Variants in RAPGEF6 observed in about 807,000 individuals in gnomAD.
RAPGEF6 encodes the protein PDZ domain containing guanine nucleotide exchange factor (GEF) 2.
In RAPGEF6, 56 loss-of-function variants were observed where a neutral mutation model predicts 171.4. That is an observed-to-expected ratio of 0.33 (90% CI 0.26 to 0.41). The LOEUF (loss-of-function observed/expected upper bound fraction) is 0.41, where lower values mean the gene tolerates loss of function less well. Among genes scored for constraint, RAPGEF6 ranks in the 10% least tolerant of loss-of-function variants. RAPGEF6 has a pLI of 1.00. For synonymous variants in RAPGEF6, 692 were observed against 650.1 expected, an observed-to-expected ratio of 1.06 and a Z score of -0.98; for missense variants, 1,674 against 1,921.4, an observed-to-expected ratio of 0.87 and a Z score of 2.41.
At chr5:131,490,995 T>C (rs1043703783) in intron 14 of RAPGEF6, among the ~76,000 whole-genome samples, 1 of 152,082 alleles carries the variant, frequency 6.6e-6, no homozygotes, top group African/African-American at 2.4e-5. Flanking sequence ...TCAACAGTAG[T>C]TGGGAAGATT....
chr5:131,612,371 A>G (rs1764986098), intron 1 of RAPGEF6, among the ~76,000 whole-genome samples: 1 of 151,898 alleles, frequency 6.6e-6, no homozygotes, highest in Non-Finnish European at 1.5e-5. Flanking sequence ...ATTTTGCCCA[A>G]CTGTAGGCTA....
At chr5:131,593,271 T>A (rs546323285) in intron 3 of RAPGEF6, among the ~76,000 whole-genome samples, 3 of 152,368 alleles carry the variant, frequency 2.0e-5, no homozygotes, top group Middle Eastern at 3.4e-3. Flanking sequence ...AAGGATGTCA[T>A]AACCTTTAGC....
intron 4 of RAPGEF6, among the ~76,000 whole-genome samples, chr5:131,585,309 C>CATAT (rs1554084517): frequency 6.7e-6 from 1 of 148,944 alleles, no homozygotes; most frequent in Non-Finnish European, 1.5e-5. Flanking sequence ...TACATACATA[C>CATAT]ATACATACAT....
At chr5:131,608,742 C>T (rs573185783) in intron 1 of RAPGEF6, among the ~76,000 whole-genome samples, 3 of 152,114 alleles carry the variant, frequency 2.0e-5, no homozygotes, top group East Asian at 3.9e-4. Context: ...TTGGTTCCCC[C>T]GAGAGAGGGT....
chr5:131,528,313 T>TATA (rs1251388931), intron 6 of RAPGEF6, among the ~76,000 whole-genome samples: 3 of 48,846 alleles, frequency 6.1e-5, no homozygotes, highest in African/African-American at 7.2e-5. Context: ...TATATTTATA[T>TATA]TATATATATA....
chr5:131,585,289 TATAC>T lies in RAPGEF6; in HGVS notation c.281+7090_281+7093del, dbSNP rs3058508. Among the ~76,000 whole-genome samples, 1,184 of 134,978 alleles carry T rather than the reference TATAC, an allele frequency of 8.8e-3. 10 individuals carry two copies. The highest frequency in any genetic ancestry group is 0.021 in the South Asian group (86 of 4,192). The allele number at this position is 134,978 out of a possible 152,430, so 88.6% of individuals were successfully genotyped here. A position where few individuals can be genotyped will look rare whatever the true frequency, so the allele number is the denominator to read the frequency against. On this transcript the variant is annotated intron_variant, in intron 4 of 27. Coordinates refer to ENST00000509018, the MANE Select transcript of RAPGEF6 (RefSeq NM_016340.6). Reference sequence around the variant, plus strand: ...CTAGAAAATAAGAAAAAAAAAAAACTATACATACATACATACATACATACATACA... The same window carrying T: ...CTAGAAAATAAGAAAAAAAAAAAACTATACATACATACATACATACATACA...
intron 5 of RAPGEF6, among the ~76,000 whole-genome samples, chr5:131,553,654 G>C (rs1761053007): frequency 6.6e-6 from 1 of 152,106 alleles, no homozygotes; most frequent in Non-Finnish European, 1.5e-5. Flanking sequence ...TAGTAATAGA[G>C]ATGAGGAATG....
chr5:131,551,023 T>G (rs1388354548), intron 5 of RAPGEF6, among the ~76,000 whole-genome samples: 1 of 152,230 alleles, frequency 6.6e-6, no homozygotes, highest in Non-Finnish European at 1.5e-5. Flanking sequence ...ATTCAAGACA[T>G]TTGCCAAAAT....
intron 1 of RAPGEF6, among the ~76,000 whole-genome samples, chr5:131,608,884 C>T (rs549276437): frequency 1.3e-5 from 2 of 152,232 alleles, no homozygotes; most frequent in South Asian, 4.2e-4. Flanking sequence ...AATCGTCCCA[C>T]CTCAGATTCC....
At chr5:131,544,649 A>G (rs559627480) in intron 6 of RAPGEF6, among the ~76,000 whole-genome samples, 5 of 152,352 alleles carry the variant, frequency 3.3e-5, no homozygotes, top group African/African-American at 1.2e-4. Context: ...TTTATTATAC[A>G]TATGTCAAAA....
chr5:131,431,017 G>A lies in RAPGEF6; in HGVS notation c.4307C>T (p.Ser1436Phe). 2 of 1,614,204 alleles carry A rather than the reference G, an allele frequency of 1.2e-6. No individual in the cohort carries two copies. The highest frequency in any genetic ancestry group is 1.7e-6 in the Non-Finnish European group (2 of 1,180,030). Residue 1436 changes from serine to phenylalanine, a missense_variant, in exon 26 of 28, where the codon TCC becomes TTC. Transcript: ENST00000509018. ...GSLERKSWTS[S>F]SSLSDTYEPN... The stretch of plus-strand genomic sequence containing the variant: ...TTCATACGTGTCAGACAGAGAACTG[G>A]AGGAGGTCCAACTCTTTCTCTCTAG...
intron 4 of RAPGEF6, among the ~76,000 whole-genome samples, chr5:131,571,876 A>C (rs1487440332): frequency 1.3e-5 from 2 of 152,188 alleles, no homozygotes; most frequent in African/African-American, 4.8e-5. Context: ...GCCTGTGATA[A>C]TGTACCCTTG....
chr5:131,534,873 A>G (rs1414243280), intron 6 of RAPGEF6, among the ~76,000 whole-genome samples: 2 of 152,114 alleles, frequency 1.3e-5, no homozygotes, highest in Non-Finnish European at 2.9e-5. Context: ...CATGTATAGT[A>G]CCAACAGAAT....
intron 9 of RAPGEF6, 110 bp downstream of exon 9, chr5:131,507,961 G>T: frequency 1.0e-6 from 1 of 997,630 alleles, no homozygotes; most frequent in Non-Finnish European, 1.4e-6. Flanking sequence ...TAAGAAATCT[G>T]TATAAATTTC....
rs558646970 is a variant in RAPGEF6, at chr5:131,572,157, C to T, written c.282-10110G>A. On this transcript the variant is annotated intron_variant, in intron 4 of 27. Coordinates refer to ENST00000509018, the MANE Select transcript of RAPGEF6 (RefSeq NM_016340.6). ...TCAGGTGGTCACTTATATGGACGTGCGTAACATTTGGTGCCGAACACCCAG... is the reference window on the plus strand; with the variant it reads ...TCAGGTGGTCACTTATATGGACGTGTGTAACATTTGGTGCCGAACACCCAG... Among the ~76,000 whole-genome samples, 16 of 152,174 alleles carry T rather than the reference C, an allele frequency of 1.1e-4. No homozygotes were observed. The South Asian group carries it at 2.7e-3, about 26-fold the overall frequency.
At chr5:131,511,720 T>C (rs1332120220) in intron 7 of RAPGEF6, among the ~76,000 whole-genome samples, 1 of 152,052 alleles carries the variant, frequency 6.6e-6, no homozygotes, top group Non-Finnish European at 1.5e-5. Context: ...AGGCTAGTCT[T>C]GAACTCCTGG....
chr5:131,567,920 T>C (rs2149975619), intron 4 of RAPGEF6, among the ~76,000 whole-genome samples: 1 of 152,198 alleles, frequency 6.6e-6, no homozygotes, highest in African/African-American at 2.4e-5. Flanking sequence ...CCTAATGTAT[T>C]AATCCTTTTA....
At chr5:131,581,955 C>T (rs920313648) in intron 4 of RAPGEF6, among the ~76,000 whole-genome samples, 6 of 152,162 alleles carry the variant, frequency 3.9e-5, no homozygotes, top group Admixed American at 3.9e-4. Flanking sequence ...TATTTTGTAA[C>T]ATCCTCCCAG....
intron 1 of RAPGEF6, among the ~76,000 whole-genome samples, chr5:131,617,271 T>C (rs1215474126): frequency 1.4e-5 from 2 of 142,932 alleles, no homozygotes; most frequent in Non-Finnish European, 3.1e-5. Context: ...GTGGAGATAC[T>C]TGGTCTCTAA....
Sources: gnomAD v4.1 joint callset for allele counts (sites outside exome capture counted in the v4.1 genomes callset) on GRCh38, gnomAD v4.1.1 for gene constraint, MANE v1.5 for transcripts, NCBI Gene and HGNC (gene_info 2026-07-23, HGNC 2026-07-21) for gene names.